Variants in MRPL22 observed in about 807,000 individuals in gnomAD.
MRPL22 encodes mitochondrial ribosomal protein L22.
A neutral mutation model predicts 32.4 loss-of-function variants in MRPL22; 27 were observed. That is an observed-to-expected ratio of 0.83 (90% CI 0.61 to 1.15). MRPL22 has a LOEUF of 1.15. Among genes scored for constraint, MRPL22 ranks in the 50% most tolerant of loss-of-function variants. MRPL22 has a pLI of 0.00. For missense variants in MRPL22, 239 were observed against 260.2 expected, an observed-to-expected ratio of 0.92 and a Z score of 0.56; for synonymous variants, 86 against 87.3, an observed-to-expected ratio of 0.99 and a Z score of 0.08.
In MRPL22 at chr5:154,966,721, C is replaced by T. The variant is rs150575467; in HGVS notation, c.445C>T (p.Arg149Cys). ...STSGRGQCLK[R>C]IRYHGRGRFG... ...CTCAGGACGAGGCCAGTGCCTGAAA[C>T]GCATCCGCTACCATGGCAGAGGTCG... The change falls in exon 7 of 7, where the codon CGC becomes TGC. Residue 149 changes from arginine (R) to cysteine (C), a missense_variant. Physicochemically the swap from Arg to Cys is radical, Grantham distance 180 (BLOSUM62 -3). Coordinates refer to ENST00000523037, the MANE Select transcript of MRPL22 (RefSeq NM_014180.4). 8.4e-5 allele frequency: 135 copies of T among 1,614,024 alleles called. No individual in the cohort carries two copies. The highest frequency in any genetic ancestry group is 1.0e-4 in the Non-Finnish European group (123 of 1,180,048).
chr5:154,951,663 A>G (rs1764563296), intron 3 of MRPL22, among the ~76,000 whole-genome samples: 1 of 151,904 alleles, frequency 6.6e-6, no homozygotes, highest in South Asian at 2.1e-4. Flanking sequence ...GAGCCTCCGG[A>G]GTAGCTGGGA....
At chr5:154,959,757 A>C (rs1427361012) in intron 5 of MRPL22, among the ~76,000 whole-genome samples, 1 of 152,134 alleles carries the variant, frequency 6.6e-6, no homozygotes, top group African/African-American at 2.4e-5. Context: ...TGTCATTTAA[A>C]ACTTAGTAGG....
rs184125094 is a variant in MRPL22, at chr5:154,956,068, G to A, written c.196-303G>A. The A allele has an allele frequency of 4.7e-3, 1,237 of 264,010 alleles. 5 individuals are homozygous for A. The highest frequency in any genetic ancestry group is 6.7e-3 in the Non-Finnish European group (951 of 141,494). The allele number at this position is 264,010 out of a possible 1,614,324, so 16.4% of individuals were successfully genotyped here. A position where few individuals can be genotyped will look rare whatever the true frequency, so the allele number is the denominator to read the frequency against. ...CTTTTAATCAGCTAAATGTTTTAAA[G>A]ATACTTTCATTTAAATCTTTTAGGA... On this transcript the variant is annotated intron_variant, in intron 3 of 6. Coordinates refer to ENST00000523037, the MANE Select transcript of MRPL22 (RefSeq NM_014180.4).
At chr5:154,952,538 A>C (rs750879282) in intron 3 of MRPL22, among the ~76,000 whole-genome samples, 5 of 152,146 alleles carry the variant, frequency 3.3e-5, no homozygotes, top group Admixed American at 6.5e-5. Context: ...TTTTGCACAG[A>C]TTTTGTTTCA....
intron 5 of MRPL22, among the ~76,000 whole-genome samples, chr5:154,958,141 A>C (rs1582693379): frequency 6.7e-6 from 1 of 149,472 alleles, no homozygotes; most frequent in African/African-American, 2.5e-5. Context: ...CTGGTCTTGA[A>C]CTCCTGACCT....
At chr5:154,943,678 A>T (rs932617439) in intron 2 of MRPL22, among the ~76,000 whole-genome samples, 20 of 146,316 alleles carry the variant, frequency 1.4e-4, no homozygotes, top group South Asian at 4.3e-4. Context: ...AGATATTAAA[A>T]TTTTTTTTTT....
intron 2 of MRPL22, 75 bp from the exon 3 acceptor site, chr5:154,950,746 G>C: frequency 1.1e-6 from 1 of 937,672 alleles, no homozygotes; most frequent in Non-Finnish European, 1.7e-6. Flanking sequence ...AGCTGAAGTG[G>C]TTCAAAAGAT....
intron 6 of MRPL22, among the ~76,000 whole-genome samples, chr5:154,962,655 G>A (rs926653109): frequency 6.6e-6 from 1 of 152,184 alleles, no homozygotes; most frequent in African/African-American, 2.4e-5. Context: ...CATGACCACA[G>A]ATTTAGAAAG....
intron 6 of MRPL22, among the ~76,000 whole-genome samples, chr5:154,963,164 C>T (rs957535527): frequency 1.1e-4 from 17 of 152,172 alleles, no homozygotes; most frequent in African/African-American, 3.9e-4. Context: ...GTCTCGAACT[C>T]CTGACCTCAG....
chr5:154,960,940 T>G (rs1764695353), intron 6 of MRPL22, among the ~76,000 whole-genome samples: 1 of 152,216 alleles, frequency 6.6e-6, no homozygotes, highest in Non-Finnish European at 1.5e-5. Flanking sequence ...AAAGCTATTT[T>G]AAATTCAAGA....
At chr5:154,956,160 G>A (rs911518616) in intron 3 of MRPL22, 63 of 492,292 alleles carry the variant, frequency 1.3e-4, no homozygotes, top group African/African-American at 8.2e-4. Context: ...TATTTCTCCC[G>A]TAGTAATCTT....
chr5:154,941,602 G>A (rs980199538), intron 2 of MRPL22, among the ~76,000 whole-genome samples: 2 of 152,270 alleles, frequency 1.3e-5, no homozygotes, highest in Admixed American at 1.3e-4. Flanking sequence ...ACATGGGCAG[G>A]GACCGTGTTG....
chr5:154,949,805 C>T (rs974335263), intron 2 of MRPL22, among the ~76,000 whole-genome samples: 1 of 152,096 alleles, frequency 6.6e-6, no homozygotes, highest in Non-Finnish European at 1.5e-5. Context: ...TTGGGATCTT[C>T]ATCATCAAGT....
Position 154,941,210 on chromosome 5 carries a change from G to A in MRPL22, c.29-7G>A. 6.2e-7 allele frequency: 1 copy of A among 1,614,078 alleles called. No homozygotes were observed. Among genetic ancestry groups the A allele is most frequent in the African/African-American group, 1.3e-5 (1 of 75,040 alleles). On this transcript the variant is annotated splice_region_variant and splice_polypyrimidine_tract_variant and intron_variant, in intron 1 of 6. Coordinates refer to ENST00000523037, the MANE Select transcript of MRPL22 (RefSeq NM_014180.4). The stretch of plus-strand genomic sequence containing the variant: ...ATCTGAGTTGACGGCTTGTGTTGAT[G>A]TTGCAGGTGCGTTATGGATACATAA...
chr5:154,965,258 T>G (rs1046612048), intron 6 of MRPL22, among the ~76,000 whole-genome samples: 17 of 152,294 alleles, frequency 1.1e-4, no homozygotes, highest in African/African-American at 3.1e-4. Context: ...ATAAGAATGA[T>G]GAGTGTTGAA....
rs1469473066 is a variant in MRPL22 at position 154,967,565 on chromosome 5, AT to A, written c.*673del. Reference sequence around the variant, plus strand: ...TGGATATCTTGTTTAGGATTGATTTATTTTTCAGGGTAAATTCAATTACTGA... The same window carrying A: ...TGGATATCTTGTTTAGGATTGATTTATTTTCAGGGTAAATTCAATTACTGA... On this transcript the variant is annotated 3_prime_UTR_variant, in exon 7 of 7. Coordinates refer to ENST00000523037, the MANE Select transcript of MRPL22 (RefSeq NM_014180.4). This position sits in a 1 kb window ranked among gnomAD's most constrained non-coding sequence, Gnocchi z 4.7. 6.6e-6 allele frequency: 1 copy of A among 152,288 alleles called. No homozygotes were observed. The highest frequency in any genetic ancestry group is 1.9e-4 in the East Asian group (1 of 5,190). The allele number at this position is 152,288 out of a possible 1,614,324, so 9.4% of individuals were successfully genotyped here.
chr5:154,960,276 C>T (rs1764684947), intron 6 of MRPL22, among the ~76,000 whole-genome samples: 1 of 152,086 alleles, frequency 6.6e-6, no homozygotes, highest in African/African-American at 2.4e-5. Context: ...ATCATAAAGC[C>T]AATTGCTAAT....
rs1764720389 is a variant in MRPL22, at chr5:154,962,692, A to T, written c.409+2643A>T. Among the ~76,000 whole-genome samples the T allele has an allele frequency of 5.3e-5, 8 of 152,170 alleles. No homozygotes were observed. In the South Asian group the frequency reaches 1.7e-3, roughly 31 times the overall value. ...TCACTTCCCTTTCAAACTTATAGTG[A>T]TGACTAATGATACTGTGAATAGGCC... On this transcript the variant is annotated intron_variant, in intron 6 of 6. Coordinates refer to ENST00000523037, the MANE Select transcript of MRPL22 (RefSeq NM_014180.4).
At chr5:154,943,921 C>G (rs1764454696) in intron 2 of MRPL22, among the ~76,000 whole-genome samples, 1 of 152,014 alleles carries the variant, frequency 6.6e-6, no homozygotes, top group Admixed American at 6.6e-5. Flanking sequence ...CCTCAGTCTC[C>G]CAAAGTGCTG....
Sources: gnomAD v4.1 joint callset for allele counts (sites outside exome capture counted in the v4.1 genomes callset) on GRCh38, gnomAD v4.1.1 for gene constraint, Gnocchi (gnomAD v3.1) non-coding constraint, MANE v1.5 for transcripts, NCBI Gene and HGNC (gene_info 2026-07-23, HGNC 2026-07-21) for gene names.